Variants in COG2 observed in about 807,000 individuals in gnomAD.
COG2 encodes component of oligomeric golgi complex 2.
COG2 carries 52 observed loss-of-function variants against 90.6 expected under a neutral mutation model. The observed-to-expected ratio is 0.57, with a 90% CI of 0.46 to 0.72. The LOEUF (loss-of-function observed/expected upper bound fraction) is 0.72. COG2 is among the 30% of genes least tolerant of loss of function. COG2 has a pLI of 0.00. For synonymous variants in COG2, 337 were observed against 320.4 expected (o/e 1.05, Z -0.55); for missense variants, 829 against 891.2 (o/e 0.93, Z 0.89).
chr1:230,682,016 T>C (rs935934876), intron 10 of COG2: 1 of 152,222 alleles, frequency 6.6e-6, no homozygotes, highest in Non-Finnish European at 1.5e-5. Context: ...TTGTGTCCCA[T>C]GTCTTTGGAT....
intron 8 of COG2, among the ~76,000 whole-genome samples, chr1:230,674,116 T>C (rs1414419982): frequency 6.6e-6 from 1 of 152,198 alleles, no homozygotes; most frequent in African/African-American, 2.4e-5. Context: ...TTATGGATCT[T>C]TGAGTTTGTG....
chr1:230,689,187 T>TA (rs60352970), intron 15 of COG2, among the ~76,000 whole-genome samples: 1 of 151,850 alleles, frequency 6.6e-6, no homozygotes, highest in Non-Finnish European at 1.5e-5. Context: ...AAGTTTTTAT[T>TA]AAAAAAAATA....
rs549323990 is a variant in COG2, at chr1:230,676,546, A to T, written c.1026+1422A>T. 5.3e-3 allele frequency among the ~76,000 whole-genome samples: 800 copies of T among 152,110 alleles called. 4 individuals carry two copies. The highest frequency in any genetic ancestry group is 0.018 in the African/African-American group (730 of 41,502). On this transcript the variant is annotated intron_variant, in intron 9 of 17. Coordinates refer to ENST00000366669, the MANE Select transcript of COG2 (RefSeq NM_007357.3). ...CTCGTACTTCTATTACGTTTTTTTT[A>T]AAATCTTAAAAACTGGTCATTTTTA...
At position 230,679,055 on chromosome 1, in the gene COG2, T is replaced by G; in HGVS notation, c.1166+3T>G. The stretch of plus-strand genomic sequence containing the variant: ...TTGCCTGTTTATTTTCAAATAAGGT[T>G]GGTCATCTATTCACCGCCCCCGCCC... On this transcript the variant is annotated splice_donor_region_variant and intron_variant, in intron 10 of 17. Transcript: ENST00000366669. 1 of 1,610,940 alleles carries G rather than the reference T, an allele frequency of 6.2e-7. No homozygotes were observed. The highest frequency in any genetic ancestry group is 8.5e-7 in the Non-Finnish European group (1 of 1,177,448).
chr1:230,689,058 G>A (rs1356674867), intron 15 of COG2, among the ~76,000 whole-genome samples: 1 of 152,118 alleles, frequency 6.6e-6, no homozygotes, highest in East Asian at 1.9e-4. Context: ...CATGCCAAAT[G>A]TGGTGGCTCA....
intron 17 of COG2, chr1:230,691,880 G>A (rs1162536799): frequency 4.2e-6 from 1 of 240,838 alleles, no homozygotes; most frequent in Non-Finnish European, 8.0e-6. Context: ...TACTTAATTG[G>A]TGCGAACCCC....
At chr1:230,671,902 A>G (rs139946166) in intron 8 of COG2, among the ~76,000 whole-genome samples, 28 of 152,324 alleles carry the variant, frequency 1.8e-4, no homozygotes, top group Admixed American at 3.9e-4. Context: ...TCTTCTCTGC[A>G]CTTTTTCCTA....
chr1:230,683,409 TAAAAA>T (rs5781595), intron 10 of COG2, 160 bp from the exon 11 acceptor site: 3,837 of 382,072 alleles, frequency 0.01, no homozygotes, highest in South Asian at 0.013. Flanking sequence ...CTTGTTCAGT[TAAAAA>T]AAAAAAAAAA....
Position 230,669,430 on chromosome 1 carries a change from C to G in COG2, c.669C>G (p.Asp223Glu). 6.2e-7 allele frequency: 1 copy of G among 1,614,076 alleles called. No homozygotes were observed. The highest frequency in any genetic ancestry group is 8.5e-7 in the Non-Finnish European group (1 of 1,179,966). Residue 223 changes from aspartate to glutamate, a missense_variant, in exon 7 of 18, where the codon GAC becomes GAG. By Grantham distance (45) the Asp-to-Glu change is conservative. Coordinates refer to ENST00000366669, the MANE Select transcript of COG2 (RefSeq NM_007357.3). ...GLLLEGLQTS[D>E]VDIIRHCLRT... ...TATTAGAAGGCCTTCAGACGTCTGACGTCGATATAATACGGCACTGCTTGC... is the reference window on the plus strand; with the variant it reads ...TATTAGAAGGCCTTCAGACGTCTGAGGTCGATATAATACGGCACTGCTTGC...
intron 11 of COG2, chr1:230,684,242 G>A (rs1280720986): frequency 6.6e-6 from 1 of 152,328 alleles, no homozygotes; most frequent in East Asian, 1.9e-4. Flanking sequence ...TGGCCCCTTG[G>A]TGTGCTTATG....
At chr1:230,654,397 G>A (rs181604954) in intron 1 of COG2, among the ~76,000 whole-genome samples, 8 of 152,170 alleles carry the variant, frequency 5.3e-5, no homozygotes, top group African/African-American at 1.9e-4. Flanking sequence ...TTTGTGTCAG[G>A]TTTGTCAAAG....
intron 1 of COG2, among the ~76,000 whole-genome samples, chr1:230,646,813 AGTCATCCTTGATAACACCT>A (rs1352623118): frequency 6.6e-6 from 1 of 152,052 alleles, no homozygotes; most frequent in Non-Finnish European, 1.5e-5. Flanking sequence ...GTTATCAAGG[AGTCATCCTTGATAACACCT>A]CTCTCCTTCA....
chr1:230,675,904 C>T (rs1016856276), intron 9 of COG2, among the ~76,000 whole-genome samples: 1 of 152,126 alleles, frequency 6.6e-6, no homozygotes, highest in East Asian at 1.9e-4. Flanking sequence ...CTCCTTCCCC[C>T]TCAACCTTCC....
intron 6 of COG2, 29 bp from the exon 7 acceptor site, chr1:230,669,324 CTTT>C: frequency 6.4e-7 from 1 of 1,563,332 alleles, no homozygotes; most frequent in Non-Finnish European, 8.7e-7. Flanking sequence ...ACAACTAGAG[CTTT>C]TTTTTTATTT....
rs1663044982 is a variant in COG2 at position 230,692,159 on chromosome 1, A to G, written c.2115+595A>G. 2.0e-5 allele frequency among the ~76,000 whole-genome samples: 3 copies of G among 152,090 alleles called. No homozygotes were observed. The South Asian group carries it at 6.2e-4, about 32-fold the overall frequency. On this transcript the variant is annotated intron_variant, in intron 17 of 17. Transcript: ENST00000366669. ...AAATTTCACCATAAAATGAAATTTT[A>G]TGATACTGTGAGGACAGTATCATAA... is the stretch of plus-strand genomic sequence containing the variant.
chr1:230,646,984 T>A (rs1243111891), intron 1 of COG2, among the ~76,000 whole-genome samples: 1 of 152,182 alleles, frequency 6.6e-6, no homozygotes, highest in East Asian at 1.9e-4. Context: ...AGTGGCTTCT[T>A]ACTGTAGTCC....
chr1:230,642,611 A>G lies in COG2; in HGVS notation c.5A>G (p.Glu2Gly), dbSNP rs1219480880. ...TGAGAGGCGGTGGCCGGCGGGATGGAGAAAAGTAGGATGAACCTGCCCAAG... is the reference window on the plus strand; with the variant it reads ...TGAGAGGCGGTGGCCGGCGGGATGGGGAAAAGTAGGATGAACCTGCCCAAG... M[E>G]KSRMNLPKGP... The change falls in exon 1 of 18, where the codon GAG becomes GGG. Residue 2 changes from glutamate to glycine, a missense_variant. By Grantham distance (98) the Glu-to-Gly change is moderately conservative (BLOSUM62 -2). Coordinates refer to ENST00000366669, the MANE Select transcript of COG2 (RefSeq NM_007357.3). The G allele has an allele frequency of 1.9e-6, 3 of 1,611,812 alleles. No individual in the cohort carries two copies. The highest frequency in any genetic ancestry group is 2.5e-6 in the Non-Finnish European group (3 of 1,179,190).
At chr1:230,659,113 T>C (rs1662126305) in intron 1 of COG2, among the ~76,000 whole-genome samples, 1 of 152,206 alleles carries the variant, frequency 6.6e-6, no homozygotes, top group Non-Finnish European at 1.5e-5. Flanking sequence ...ATATAATTCT[T>C]TGTTGTTTGA....
intron 5 of COG2, among the ~76,000 whole-genome samples, chr1:230,666,810 T>C (rs945721251): frequency 5.3e-5 from 8 of 152,232 alleles, no homozygotes; most frequent in Non-Finnish European, 4.4e-5. Context: ...TTAAAAATAC[T>C]GTGCTAAGTG....
Sources: allele counts gnomAD v4.1 joint callset (sites outside exome capture counted in the v4.1 genomes callset), GRCh38; gene constraint gnomAD v4.1.1; transcripts MANE v1.5; gene names NCBI Gene and HGNC (gene_info 2026-07-23, HGNC 2026-07-21).